Variants in FAM178B observed in about 807,000 individuals in gnomAD.
FAM178B encodes the protein protein FAM178B.
FAM178B carries 82 observed loss-of-function variants against 91.7 expected under a neutral mutation model. That is an observed-to-expected ratio of 0.89 (90% CI 0.75 to 1.07). The LOEUF (loss-of-function observed/expected upper bound fraction) is 1.07. Ranked by LOEUF, FAM178B falls within the 50% of genes least tolerant of loss-of-function variation. The probability of loss-of-function intolerance (pLI) is 0.00; values close to 1 mark genes in which losing one functional copy is unlikely to be tolerated. For missense variants in FAM178B, 769 were observed against 846.7 expected (o/e 0.91, Z 1.14); for synonymous variants, 368 against 359.4 (o/e 1.02, Z -0.27).
At chr2:96,938,101 T>TG (rs1336305598) in intron 8 of FAM178B, among the ~76,000 whole-genome samples, 12 of 152,112 alleles carry the variant, frequency 7.9e-5, no homozygotes, top group Non-Finnish European at 1.3e-4. Context: ...ATTTTAAAAG[T>TG]GGGGGTTGAG....
At position 96,886,787 on chromosome 2, in the gene FAM178B, G is replaced by A. The variant is rs115263890; in HGVS notation, c.1776+7139C>T. Among the ~76,000 whole-genome samples the A allele has an allele frequency of 1.2e-3, 187 of 152,318 alleles. 1 individual carries two copies. Among genetic ancestry groups the A allele is most frequent in the African/African-American group, 3.5e-3 (146 of 41,582 alleles). ...GGGACCTTCCCCACTGTGCTTGGCCGTCTTCGGTGCACAGCTGGGAGCCTC... is the reference window on the plus strand; with the variant it reads ...GGGACCTTCCCCACTGTGCTTGGCCATCTTCGGTGCACAGCTGGGAGCCTC... On this transcript the variant is annotated intron_variant, in intron 14 of 16. Coordinates refer to ENST00000490605, the MANE Select transcript of FAM178B (RefSeq NM_001122646.3).
chr2:96,965,148 C>T (rs915805179), intron 5 of FAM178B, among the ~76,000 whole-genome samples: 1 of 152,012 alleles, frequency 6.6e-6, no homozygotes, highest in Non-Finnish European at 1.5e-5. Context: ...TACAGGTACG[C>T]GTCACCACGC....
chr2:96,903,808 C>T (rs1465257441), intron 12 of FAM178B, among the ~76,000 whole-genome samples: 1 of 152,208 alleles, frequency 6.6e-6, no homozygotes, highest in Non-Finnish European at 1.5e-5. Flanking sequence ...GGAATGGCTT[C>T]CTCAAAGCTC....
At position 96,876,079 on chromosome 2, in the gene FAM178B, G is replaced by A. The variant is rs1462540049; in HGVS notation, c.*197C>T. ...AGGCCCATCCCTTGCTGAGAGGAGA[G>A]GGGGTCGGGGCGGTGGCAGAGGCAG... On this transcript the variant is annotated 3_prime_UTR_variant, in exon 17 of 17. Coordinates refer to ENST00000490605, the MANE Select transcript of FAM178B (RefSeq NM_001122646.3). The A allele has an allele frequency of 5.0e-6, 3 of 595,504 alleles. No homozygotes were observed. Among genetic ancestry groups the A allele is most frequent in the Non-Finnish European group, 8.9e-6 (3 of 337,066 alleles). 36.9% of individuals were successfully genotyped at this position (595,504 alleles called of 1,614,324 possible).
intron 1 of FAM178B, among the ~76,000 whole-genome samples, chr2:96,973,728 C>T (rs1276011030): frequency 3.9e-5 from 6 of 152,082 alleles, no homozygotes; most frequent in South Asian, 2.1e-4. Flanking sequence ...AGGCTGGGTG[C>T]GGTGGCTCAC....
Position 96,940,917 on chromosome 2 carries a change from C to T in FAM178B, c.1078+6901G>A, listed in dbSNP as rs73959418. ...TCATCCCACCTCCAGGACCCTCACTCGGCGGACCTGTGGTCTAGAAAGCCC... is the reference window on the plus strand; with the variant it reads ...TCATCCCACCTCCAGGACCCTCACTTGGCGGACCTGTGGTCTAGAAAGCCC... On this transcript the variant is annotated intron_variant, in intron 8 of 16. Transcript: ENST00000490605. Among the ~76,000 whole-genome samples, 552 of 152,296 alleles carry T rather than the reference C, an allele frequency of 3.6e-3. 1 individual carries two copies. Among genetic ancestry groups the T allele is most frequent in the African/African-American group, 0.013 (526 of 41,558 alleles).
intron 1 of FAM178B, 37 bp downstream of exon 1, chr2:96,986,204 A>G: frequency 6.5e-7 from 1 of 1,533,654 alleles, no homozygotes; most frequent in Non-Finnish European, 8.7e-7. Flanking sequence ...AGCGCTAACC[A>G]CGCGCCCCTG....
intron 13 of FAM178B, among the ~76,000 whole-genome samples, chr2:96,897,467 T>C (rs1467283003): frequency 6.6e-6 from 1 of 152,226 alleles, no homozygotes; most frequent in African/African-American, 2.4e-5. Flanking sequence ...TTTACTGTGT[T>C]GCAAGAAGTG....
chr2:96,966,807 C>T (rs1420705072), intron 5 of FAM178B, among the ~76,000 whole-genome samples: 1 of 152,132 alleles, frequency 6.6e-6, no homozygotes, highest in Non-Finnish European at 1.5e-5. Context: ...AGCTCTCTTG[C>T]CTCTTTCTGT....
intron 8 of FAM178B, chr2:96,939,193 ACT>A (rs1201238646): frequency 6.6e-6 from 1 of 150,634 alleles, no homozygotes; most frequent in Non-Finnish European, 1.5e-5. Flanking sequence ...ACAGAGTGAG[ACT>A]CTGTCTCAAA....
In FAM178B at chr2:96,980,848, CCAATT is replaced by C. The variant is rs148347664; in HGVS notation, c.73+5388_73+5392del. Among the ~76,000 whole-genome samples, 726 of 152,074 alleles carry C rather than the reference CCAATT, an allele frequency of 4.8e-3. 22 individuals are homozygous for C. The East Asian group carries it at 0.072, about 15-fold the overall frequency. ...TATAGACATCTTCTTTTGTAAAGTG[CCAATT>C]CAAGTCTATTGCCCATTTTAGATCT... On this transcript the variant is annotated intron_variant, in intron 1 of 16. Coordinates refer to ENST00000490605, the MANE Select transcript of FAM178B (RefSeq NM_001122646.3).
chr2:96,983,728 C>G (rs773214029), intron 1 of FAM178B, among the ~76,000 whole-genome samples: 14 of 152,146 alleles, frequency 9.2e-5, no homozygotes, highest in African/African-American at 4.8e-5. Flanking sequence ...CCAGCCAAAT[C>G]ATCAATTTTG....
At chr2:96,960,151 TA>T in intron 6 of FAM178B, 136 bp downstream of exon 6, 1 of 902,172 alleles carries the variant, frequency 1.1e-6, no homozygotes, top group Non-Finnish European at 1.6e-6. Context: ...CCTATATCTC[TA>T]AAAACTGACA....
intron 5 of FAM178B, among the ~76,000 whole-genome samples, chr2:96,965,146 C>A (rs545674217): frequency 6.6e-6 from 1 of 151,780 alleles, no homozygotes; most frequent in African/African-American, 2.4e-5. Context: ...ATTACAGGTA[C>A]GCGTCACCAC....
intron 1 of FAM178B, among the ~76,000 whole-genome samples, chr2:96,975,648 C>T (rs1369658839): frequency 1.3e-5 from 2 of 152,216 alleles, no homozygotes; most frequent in African/African-American, 2.4e-5. Context: ...CTACTCAACA[C>T]TAAGCCTAAT....
chr2:96,964,296 A>G (rs2153375161), intron 5 of FAM178B, among the ~76,000 whole-genome samples: 2 of 152,178 alleles, frequency 1.3e-5, no homozygotes, highest in South Asian at 4.1e-4. Flanking sequence ...GGGATCCTAA[A>G]AGCAGGCCAC....
intron 1 of FAM178B, among the ~76,000 whole-genome samples, chr2:96,977,103 G>A (rs1434220174): frequency 6.7e-6 from 1 of 148,744 alleles, no homozygotes; most frequent in Non-Finnish European, 1.5e-5. Flanking sequence ...GCTGAAGCAG[G>A]AGAATTGCTT....
At chr2:96,971,294 A>C (rs6576997) in intron 3 of FAM178B, among the ~76,000 whole-genome samples, 110,838 of 132,144 alleles carry the variant, frequency 0.84, 45,821 homozygotes, top group Non-Finnish European at 0.88. Flanking sequence ...CCTCTCTCCC[A>C]CCTCCCTCTC....
chr2:96,922,442 C>T (rs984009609), intron 10 of FAM178B, among the ~76,000 whole-genome samples: 2 of 152,178 alleles, frequency 1.3e-5, no homozygotes, highest in Non-Finnish European at 2.9e-5. Flanking sequence ...CTCCGCCTCC[C>T]GGGTTCCAGC....
Sources: allele counts gnomAD v4.1 joint callset (sites outside exome capture counted in the v4.1 genomes callset), GRCh38; gene constraint gnomAD v4.1.1; transcripts MANE v1.5; gene names NCBI Gene and HGNC (gene_info 2026-07-23, HGNC 2026-07-21).